Variants in SLC38A10 observed in about 807,000 individuals in gnomAD.
The protein encoded by SLC38A10 is solute carrier family 38 member 10, also known as Sodium-coupled neutral amino acid transporter 10.
A neutral mutation model predicts 81.0 loss-of-function variants in SLC38A10; 53 were observed. That is an observed-to-expected ratio of 0.65 (90% confidence interval 0.53 to 0.82). The LOEUF (loss-of-function observed/expected upper bound fraction) is 0.82, where lower values mean the gene tolerates loss of function less well. SLC38A10 is among the 40% of genes least tolerant of loss of function. The pLI is 0.00. For synonymous variants in SLC38A10, 665 were observed against 655.3 expected (o/e 1.01, Z -0.23); for missense variants, 1,471 against 1,545.0 (o/e 0.95, Z 0.80).
chr17:81,252,592 C>A lies in SLC38A10; in HGVS notation c.1548G>T (p.Val516=). The stretch of plus-strand genomic sequence containing the variant: ...TGGATGGAGGTTTGTTCTCTTCTGG[C>A]ACCTCTCGGTCTTGGCCTTCATCTA... ...VVVDEGQDRE[V]PEENKPPSRH... Residue 516 remains valine (V), a synonymous_variant, in exon 13 of 16, where the codon GTG becomes GTT. Coordinates refer to ENST00000374759, the MANE Select transcript of SLC38A10 (RefSeq NM_001037984.3). 3.7e-6 allele frequency: 6 copies of A among 1,613,424 alleles called. No homozygotes were observed. Among genetic ancestry groups the A allele is most frequent in the Non-Finnish European group, 5.1e-6 (6 of 1,180,046 alleles).
chr17:81,278,729 C>T (rs556889428), intron 6 of SLC38A10, among the ~76,000 whole-genome samples: 1 of 152,330 alleles, frequency 6.6e-6, no homozygotes, highest in African/African-American at 2.4e-5. Context: ...GCTGAGTCCA[C>T]ACCAGGGAGT....
intron 10 of SLC38A10, chr17:81,264,624 G>A (rs2063054301): frequency 2.0e-5 from 3 of 152,308 alleles, no homozygotes; most frequent in African/African-American, 4.8e-5. Flanking sequence ...CTCCACACAT[G>A]TAGAAAGTGC....
intron 11 of SLC38A10, among the ~76,000 whole-genome samples, chr17:81,259,376 C>A (rs778813068): frequency 6.6e-6 from 1 of 152,208 alleles, no homozygotes; most frequent in Non-Finnish European, 1.5e-5. Context: ...GGTCGGCACA[C>A]GGGCAGTGTG....
At position 81,278,587 on chromosome 17, in the gene SLC38A10, A is replaced by C. The variant is rs113994490; in HGVS notation, c.627-1454T>G. ...GGAGCTAAGTGGCCAACGCCTGTGC[A>C]CACAGCCCCAGGAGGCTGGCAGAGA... On this transcript the variant is annotated intron_variant, in intron 6 of 15. Transcript: ENST00000374759. 9.8e-3 allele frequency among the ~76,000 whole-genome samples: 1,494 copies of C among 152,274 alleles called. 23 individuals are homozygous for C. The highest frequency in any genetic ancestry group is 0.034 in the African/African-American group (1,410 of 41,540).
In SLC38A10 at chr17:81,253,113, C is replaced by A; in HGVS notation, c.1416G>T (p.Lys472Asn). 6.2e-7 allele frequency: 1 copy of A among 1,613,846 alleles called. No homozygotes were observed. Among genetic ancestry groups the A allele is most frequent in the Non-Finnish European group, 8.5e-7 (1 of 1,180,034 alleles). The change falls in exon 12 of 16, where the codon AAG (lysine) becomes AAT (asparagine). Residue 472 changes from lysine to asparagine, a missense_variant. This residue lies in a region of SLC38A10 where 720 missense variants were observed against 827.7 expected (regional missense o/e 0.87). Coordinates refer to ENST00000374759, the MANE Select transcript of SLC38A10 (RefSeq NM_001037984.3). This position sits in a 1 kb window ranked among gnomAD's most constrained non-coding sequence, Gnocchi z 4.1. The part of the protein sequence containing the change: ...PVDVPGREDG[K>N]EAPEEAQLDR... ...CGAGCTGTGCCTCCTCCGGTGCCTC[C>A]TTGCCATCTTCCCGTCCAGGCACAT...
At chr17:81,274,688 G>A (rs1360357975) in intron 8 of SLC38A10, among the ~76,000 whole-genome samples, 1 of 152,204 alleles carries the variant, frequency 6.6e-6, no homozygotes, top group Non-Finnish European at 1.5e-5. Context: ...CAGCACAGCG[G>A]GCCTTTCATG....
At position 81,294,956 on chromosome 17, in the gene SLC38A10, C is replaced by A; in HGVS notation, c.-35G>T. 6.5e-7 allele frequency: 1 copy of A among 1,539,204 alleles called. No homozygotes were observed. Among genetic ancestry groups the A allele is most frequent in the African/African-American group, 1.4e-5 (1 of 69,574 alleles). Reference sequence around the variant, plus strand: ...TCTAGGGGCCCGGGGCGAGAGGCCTCGGGGGTCGCCGGGCTGCGGCCGGCT... The same window carrying A: ...TCTAGGGGCCCGGGGCGAGAGGCCTAGGGGGTCGCCGGGCTGCGGCCGGCT... On this transcript the variant is annotated 5_prime_UTR_variant, in exon 1 of 16. Transcript: ENST00000374759.
At chr17:81,280,897 C>T (rs1047835532) in intron 5 of SLC38A10, among the ~76,000 whole-genome samples, 164 bp from the exon 6 acceptor site, 3 of 149,802 alleles carry the variant, frequency 2.0e-5, no homozygotes, top group African/African-American at 7.3e-5. Context: ...CCTTGTGCCG[C>T]CAGCTGGAGG....
rs947057625 is a variant in SLC38A10 at position 81,276,524 on chromosome 17, C to T, written c.730-373G>A. Among the ~76,000 whole-genome samples the T allele has an allele frequency of 6.6e-6, 1 of 151,796 alleles. No homozygotes were observed. The highest frequency in any genetic ancestry group is 1.5e-5 in the Non-Finnish European group (1 of 67,952). On this transcript the variant is annotated intron_variant, in intron 7 of 15. Transcript: ENST00000374759. This position sits in a 1 kb window ranked among gnomAD's most constrained non-coding sequence, Gnocchi z 4.7. ...CTCCTGCCTCAGCCTCCCGAGTAGC[C>T]GGGTTTACATGCACGTGCCACCATG... is the stretch of plus-strand genomic sequence containing the variant.
chr17:81,256,454 G>A (rs376927530), intron 11 of SLC38A10, among the ~76,000 whole-genome samples: 1 of 152,228 alleles, frequency 6.6e-6, no homozygotes, highest in Non-Finnish European at 1.5e-5. Flanking sequence ...GCGGGCTGCC[G>A]GCTTGGACCC....
Position 81,272,386 on chromosome 17 carries a change from A to G in SLC38A10, c.1024+130T>C. On this transcript the variant is annotated intron_variant, in intron 9 of 15. Transcript: ENST00000374759. ...CTCTGTGGGCCAGAGAAAAACTGAC[A>G]AAGTCTCTAGACTTTTTTAAGAGAC... 7.9e-6 allele frequency: 4 copies of G among 506,476 alleles called. No homozygotes were observed. In the South Asian group the frequency reaches 1.9e-4, roughly 24 times the overall value. 31.4% of individuals were successfully genotyped at this position (506,476 alleles called of 1,614,324 possible). A position where few individuals can be genotyped will look rare whatever the true frequency, so the allele number is the denominator to read the frequency against.
At chr17:81,287,497 C>A (rs998825132) in intron 2 of SLC38A10, among the ~76,000 whole-genome samples, 1 of 152,270 alleles carries the variant, frequency 6.6e-6, no homozygotes, top group Non-Finnish European at 1.5e-5. Flanking sequence ...CCAGGGCACA[C>A]TGCAGCTGAC....
Position 81,246,104 on chromosome 17 carries a change from C to G in SLC38A10, c.2812G>C (p.Ala938Pro), listed in dbSNP as rs748366078. ...PKQVSRDLGL[A>P]ADLPGGAEGA... The stretch of plus-strand genomic sequence containing the variant: ...TCCGCCCCACCGGGCAGGTCCGCTG[C>G]AAGGCCCAGGTCTCGGCTCACTTGC... The change falls in exon 16 of 16, where the codon GCA becomes CCA. Residue 938 changes from alanine (A) to proline (P), a missense_variant. By Grantham distance (27) the Ala-to-Pro change is conservative (BLOSUM62 -1). Transcript: ENST00000374759. 6.2e-7 allele frequency: 1 copy of G among 1,608,528 alleles called. No individual in the cohort carries two copies. The highest frequency in any genetic ancestry group is 1.3e-5 in the African/African-American group (1 of 74,938).
At chr17:81,248,933 G>A (rs2062878360) in intron 14 of SLC38A10, among the ~76,000 whole-genome samples, 1 of 152,240 alleles carries the variant, frequency 6.6e-6, no homozygotes, top group South Asian at 2.1e-4. Flanking sequence ...GGCAGAGCAG[G>A]TCTCCCGCAC....
chr17:81,250,186 C>T, intron 14 of SLC38A10: 1 of 1,199,740 alleles, frequency 8.3e-7, no homozygotes, highest in South Asian at 1.3e-5. Flanking sequence ...AAGAATCAAA[C>T]AGGTTCAGGT....
intron 11 of SLC38A10, among the ~76,000 whole-genome samples, chr17:81,258,254 G>A (rs1007133316): frequency 1.3e-5 from 2 of 152,170 alleles, no homozygotes; most frequent in Non-Finnish European, 2.9e-5. Context: ...AGCGCACATC[G>A]GTGCAGGACC....
At chr17:81,267,147 C>T (rs1412769217) in intron 10 of SLC38A10, among the ~76,000 whole-genome samples, 3 of 152,062 alleles carry the variant, frequency 2.0e-5, no homozygotes, top group East Asian at 1.9e-4. Flanking sequence ...AAGTTAGGCC[C>T]GAATACATAT....
At chr17:81,257,051 C>T (rs909205422) in intron 11 of SLC38A10, among the ~76,000 whole-genome samples, 1 of 152,232 alleles carries the variant, frequency 6.6e-6, no homozygotes, top group Non-Finnish European at 1.5e-5. Context: ...GGGCCACATG[C>T]TTCTCCCTTC....
intron 4 of SLC38A10, among the ~76,000 whole-genome samples, chr17:81,282,767 A>T (rs555458109): frequency 7.4e-4 from 112 of 152,258 alleles, no homozygotes; most frequent in Non-Finnish European, 1.1e-3. Flanking sequence ...AGAGTAGGGG[A>T]CCTAGCTCCC....
Sources: allele counts gnomAD v4.1 joint callset (sites outside exome capture counted in the v4.1 genomes callset), GRCh38; gene constraint gnomAD v4.1.1; regional missense constraint gnomAD v4.1.1; non-coding constraint Gnocchi (gnomAD v3.1); transcripts MANE v1.5; gene names NCBI Gene and HGNC (gene_info 2026-07-23, HGNC 2026-07-21).